The following KCNMA1 variants were observed in gnomAD, a reference collection of about 807,000 sequenced individuals.
KCNMA1 encodes Calcium-activated potassium channel subunit alpha-1.
Under a neutral mutation model 140.0 loss-of-function variants are expected in KCNMA1, and 29 were observed. That is an observed-to-expected ratio of 0.21 (90% CI 0.15 to 0.28). The LOEUF is 0.28. KCNMA1 is among the 10% of genes least tolerant of loss of function. The probability of loss-of-function intolerance (pLI) is 1.00; values close to 1 mark genes in which losing one functional copy is unlikely to be tolerated. For missense variants in KCNMA1, 880 were observed against 1,602.2 expected (o/e 0.55, Z 7.70); for synonymous variants, 612 against 611.9 (o/e 1.00, Z 0.00).
chr10:77,005,320 G>A (rs1021767628), intron 18 of KCNMA1, among the ~76,000 whole-genome samples: 1 of 152,204 alleles, frequency 6.6e-6, no homozygotes, highest in Admixed American at 6.5e-5. Context: ...GAGGTCCTAG[G>A]AGATGAGCCT....
chr10:77,063,708 A>G, intron 14 of KCNMA1: 4 of 982,518 alleles, frequency 4.1e-6, no homozygotes, highest in Non-Finnish European at 4.8e-6. Flanking sequence ...CTTATGGCTT[A>G]CATAGGACTT....
At chr10:77,617,969 C>G (rs556766990) in intron 1 of KCNMA1, among the ~76,000 whole-genome samples, 2 of 152,182 alleles carry the variant, frequency 1.3e-5, no homozygotes, top group East Asian at 3.9e-4. Flanking sequence ...TTCCCAGGAT[C>G]CCTTGCAGTT....
At chr10:77,444,087 T>C (rs2097472023) in intron 1 of KCNMA1, among the ~76,000 whole-genome samples, 1 of 152,190 alleles carries the variant, frequency 6.6e-6, no homozygotes, top group Admixed American at 6.5e-5. Flanking sequence ...TTCCTGCATA[T>C]GAAATAGAGA....
chr10:77,248,490 T>C (rs964404772), intron 3 of KCNMA1, among the ~76,000 whole-genome samples: 3 of 152,202 alleles, frequency 2.0e-5, no homozygotes, highest in Non-Finnish European at 2.9e-5. Context: ...GTGTAAATAC[T>C]AGCTACAATT....
chr10:77,310,402 C>T lies in KCNMA1; in HGVS notation c.541-59146G>A, dbSNP rs143391864. 4.1e-3 allele frequency among the ~76,000 whole-genome samples: 620 copies of T among 152,292 alleles called. 7 individuals carry two copies. Among genetic ancestry groups the T allele is most frequent in the African/African-American group, 0.014 (599 of 41,554 alleles). ...GGTGATCCTAGTCAGCCCAAAGCCA[C>T]ACCACACATCTAACAAGCATTCCTG... On this transcript the variant is annotated intron_variant, in intron 2 of 27. Coordinates refer to ENST00000286628, the MANE Select transcript of KCNMA1 (RefSeq NM_001161352.2).
At chr10:76,870,620 T>TG (rs1377235260) in exon 28 of KCNMA1, 1 of 152,200 alleles carries the variant, frequency 6.6e-6, no homozygotes. Flanking sequence ...GCAGTGTGTG[T>TG]GCTGTTCAGG....
chr10:76,938,905 A>G lies in KCNMA1; in HGVS notation c.2902+5868T>C, dbSNP rs1164179382. Among the ~76,000 whole-genome samples, 3 of 152,132 alleles carry G rather than the reference A, an allele frequency of 2.0e-5. No homozygotes were observed. In the East Asian group the frequency reaches 5.8e-4, roughly 29 times the overall value. On this transcript the variant is annotated intron_variant, in intron 23 of 27. Transcript: ENST00000286628. Reference sequence around the variant, plus strand: ...GGAATTAATTACTCTTTTCCTATAAATCTTTGATGACTCCCCCAAATCCAA... The same window carrying G: ...GGAATTAATTACTCTTTTCCTATAAGTCTTTGATGACTCCCCCAAATCCAA...
chr10:77,161,130 G>T (rs535679195), intron 5 of KCNMA1, among the ~76,000 whole-genome samples: 1 of 152,316 alleles, frequency 6.6e-6, no homozygotes, highest in East Asian at 1.9e-4. Context: ...AGCCTTCAAG[G>T]ACAGATGTGG....
chr10:77,459,558 T>C (rs2097821964), intron 1 of KCNMA1, among the ~76,000 whole-genome samples: 1 of 152,214 alleles, frequency 6.6e-6, no homozygotes, highest in African/African-American at 2.4e-5. Flanking sequence ...GAGACACAGT[T>C]GGAGACTGAG....
intron 1 of KCNMA1, chr10:77,493,743 G>C (rs1257637832): frequency 6.6e-6 from 1 of 152,266 alleles, no homozygotes; most frequent in Admixed American, 6.5e-5. Flanking sequence ...GGTCATAGCC[G>C]AGGACACAAG....
chr10:77,364,449 T>A (rs1418162698), intron 2 of KCNMA1, among the ~76,000 whole-genome samples: 2 of 149,544 alleles, frequency 1.3e-5, no homozygotes, highest in Non-Finnish European at 3.0e-5. Flanking sequence ...AAGCTCCATC[T>A]CAAAAAAAAG....
intron 1 of KCNMA1, among the ~76,000 whole-genome samples, chr10:77,406,880 C>T (rs542296466): frequency 1.3e-5 from 2 of 152,234 alleles, no homozygotes; most frequent in South Asian, 4.1e-4. Context: ...GCTCCTCAGT[C>T]CTGGGGGCCC....
chr10:77,398,909 G>T (rs895790988), intron 2 of KCNMA1, among the ~76,000 whole-genome samples: 2 of 152,112 alleles, frequency 1.3e-5, no homozygotes, highest in South Asian at 4.2e-4. Flanking sequence ...TATTCTTAGG[G>T]GGATTTAATT....
In KCNMA1 at chr10:77,433,278, G is replaced by A. The variant is rs774969881; in HGVS notation, c.379-29255C>T. 7.2e-5 allele frequency among the ~76,000 whole-genome samples: 11 copies of A among 151,898 alleles called. No individual in the cohort carries two copies. In the East Asian group the frequency reaches 1.2e-3, roughly 16 times the overall value. Reference sequence around the variant, plus strand: ...AGCAATTCTCACGCCTCAGCCTCCCGAGTAGCTGGGACTACAGGTGCACAC... The same window carrying A: ...AGCAATTCTCACGCCTCAGCCTCCCAAGTAGCTGGGACTACAGGTGCACAC... On this transcript the variant is annotated intron_variant, in intron 1 of 27. Coordinates refer to ENST00000286628, the MANE Select transcript of KCNMA1 (RefSeq NM_001161352.2).
In KCNMA1 at chr10:76,952,550, C is replaced by T. The variant is rs78808487; in HGVS notation, c.2484+1251G>A. Among the ~76,000 whole-genome samples the T allele has an allele frequency of 4.4e-3, 675 of 152,128 alleles. 10 individuals carry two copies. The highest frequency in any genetic ancestry group is 0.021 in the Admixed American group (320 of 15,286). On this transcript the variant is annotated intron_variant, in intron 21 of 27. Transcript: ENST00000286628. Reference sequence around the variant, plus strand: ...AAACAAAACAAAAAGAATGTACATACGTGAAGCAGCTTTGCGAGTAGAACA... The same window carrying T: ...AAACAAAACAAAAAGAATGTACATATGTGAAGCAGCTTTGCGAGTAGAACA...
At chr10:77,272,072 C>T (rs2065308728) in intron 2 of KCNMA1, among the ~76,000 whole-genome samples, 2 of 152,170 alleles carry the variant, frequency 1.3e-5, no homozygotes, top group South Asian at 4.1e-4. Flanking sequence ...GTTAGGTGCA[C>T]ACAGCACTGG....
At chr10:76,919,292 C>A (rs1160104223) in intron 23 of KCNMA1, among the ~76,000 whole-genome samples, 1 of 152,080 alleles carries the variant, frequency 6.6e-6, no homozygotes, top group African/African-American at 2.4e-5. Flanking sequence ...CCACCTGTAC[C>A]CCAATACCCC....
intron 25 of KCNMA1, among the ~76,000 whole-genome samples, chr10:76,907,819 C>T (rs1168865179): frequency 2.6e-5 from 4 of 152,124 alleles, no homozygotes; most frequent in South Asian, 2.1e-4. Context: ...GGGTTACAAG[C>T]GGTAGCCACC....
chr10:77,067,991 C>A (rs1212766461), intron 14 of KCNMA1, among the ~76,000 whole-genome samples: 2 of 152,180 alleles, frequency 1.3e-5, no homozygotes, highest in Non-Finnish European at 2.9e-5. Context: ...GATGATGGCA[C>A]TAGCTAAAGT....
Sources: gnomAD v4.1 joint callset for allele counts (sites outside exome capture counted in the v4.1 genomes callset) on GRCh38, gnomAD v4.1.1 for gene constraint, MANE v1.5 for transcripts, NCBI Gene and HGNC (gene_info 2026-07-23, HGNC 2026-07-21) for gene names.